C12orf57: variants seen among roughly 807,000 people sequenced by gnomAD.
C12orf57 encodes protein C10.
In C12orf57, 14 loss-of-function variants were observed where a neutral mutation model predicts 11.3. The observed-to-expected ratio is 1.24, with a 90% CI of 0.82 to 1.94. The LOEUF (loss-of-function observed/expected upper bound fraction) is 1.94. Among genes scored for constraint, C12orf57 ranks in the 30% most tolerant of loss-of-function variants. The pLI, the probability that C12orf57 is intolerant of heterozygous loss-of-function variation, is 0.00. For synonymous variants in C12orf57, 100 were observed against 74.6 expected, an observed-to-expected ratio of 1.34 and a Z score of -1.76; for missense variants, 229 against 172.4, an observed-to-expected ratio of 1.33 and a Z score of -1.84.
At chr12:6,943,531 G>A, upstream of C12orf57, 1 of 1,287,134 alleles carries the variant, frequency 7.8e-7, no homozygotes, top group Non-Finnish European at 1.0e-6. Flanking sequence ...GGCCTTTACT[G>A]CCGAATCCAG....
At chr12:6,943,878 T>A (rs998478110), upstream of C12orf57, 11 of 996,654 alleles carry the variant, frequency 1.1e-5, no homozygotes, top group South Asian at 8.5e-5. Flanking sequence ...GGAAAGCCCC[T>A]CTTATGATGT....
At chr12:6,943,454 G>A, upstream of C12orf57, 1 of 1,197,990 alleles carries the variant, frequency 8.3e-7, no homozygotes, top group Non-Finnish European at 1.1e-6. Context: ...ATCGGGCCGG[G>A]CATTAGGCTC....
upstream of C12orf57, chr12:6,943,915 C>A (rs782793528): frequency 5.7e-6 from 7 of 1,237,750 alleles, no homozygotes; most frequent in East Asian, 2.6e-5. Flanking sequence ...ATTGTTTTCA[C>A]TGTGCAAAAA....
At chr12:6,944,001 C>A (rs782078760), upstream of C12orf57, 30 of 1,592,834 alleles carry the variant, frequency 1.9e-5, no homozygotes, top group African/African-American at 2.7e-5. Context: ...TGGGCGCTTC[C>A]GGCTGCGCCG....
At chr12:6,943,990 C>A, upstream of C12orf57, 6 of 1,587,890 alleles carry the variant, frequency 3.8e-6, no homozygotes, top group South Asian at 1.1e-5. Flanking sequence ...TGGGCCACGC[C>A]TGGGCGCTTC....
At chr12:6,943,485 G>A, upstream of C12orf57, 10 of 1,268,336 alleles carry the variant, frequency 7.9e-6, no homozygotes, top group Non-Finnish European at 1.0e-5. Context: ...CAATAGACAA[G>A]GCCTTTAGGA....
upstream of C12orf57, chr12:6,943,516 C>A: frequency 7.8e-7 from 1 of 1,282,942 alleles, no homozygotes; most frequent in Non-Finnish European, 1.0e-6. Flanking sequence ...ACGGCTTTTG[C>A]TCTGGGCCTT....
At position 6,944,178 on chromosome 12, in the gene C12orf57, G is replaced by C; in HGVS notation, c.52+5G>C. On this transcript the variant is annotated splice_donor_5th_base_variant and intron_variant, in intron 1 of 2. Coordinates refer to ENST00000229281, the MANE Select transcript of C12orf57 (RefSeq NM_138425.4). ...TGAGCGCTGAGCAAGCAAAGGGTGA[G>C]AATCGTCCTAGTCAAGGCATAGGCT... 2.5e-6 allele frequency: 4 copies of C among 1,614,264 alleles called. No individual in the cohort carries two copies. The highest frequency in any genetic ancestry group is 3.4e-6 in the Non-Finnish European group (4 of 1,180,040).
At chr12:6,944,825 GCGTC>G in intron 2 of C12orf57, 173 bp downstream of exon 2, 1 of 1,452,174 alleles carries the variant, frequency 6.9e-7, no homozygotes, top group Non-Finnish European at 9.1e-7. Context: ...CTGAGCTTGT[GCGTC>G]CGAGTTGCGT....
At chr12:6,943,972 T>G (rs185694976), upstream of C12orf57, 14 of 1,563,368 alleles carry the variant, frequency 9.0e-6, no homozygotes, top group East Asian at 2.2e-5. Context: ...GCTTGGGGTA[T>G]GAAGGTTTGG....
At chr12:6,945,105 G>T in intron 2 of C12orf57, 1 of 269,276 alleles carries the variant, frequency 3.7e-6, no homozygotes, top group Non-Finnish European at 7.0e-6. Flanking sequence ...CCCCCACTAT[G>T]AAGTCAGGTG....
chr12:6,944,419 C>T, intron 1 of C12orf57, 57 bp from the exon 2 acceptor site: 1 of 1,583,598 alleles, frequency 6.3e-7, no homozygotes, highest in South Asian at 1.1e-5. Context: ...GCTGGGCCCG[C>T]TGTCTGTTCT....
Position 6,944,049 on chromosome 12 carries a change from C to T in C12orf57, c.-73C>T, listed in dbSNP as rs375310246. ...TTTCCGCTCCCAGGGGCGTTGGGAA[C>T]GGTTGTAGGACGTGGCTCTTTATTC... On this transcript the variant is annotated 5_prime_UTR_variant, in exon 1 of 3. The change creates a new upstream start codon in the 5' untranslated region. Coordinates refer to ENST00000229281, the MANE Select transcript of C12orf57 (RefSeq NM_138425.4). The T allele has an allele frequency of 1.0e-3, 1,643 of 1,611,998 alleles. 1 individual carries two copies. The highest frequency in any genetic ancestry group is 1.3e-3 in the Non-Finnish European group (1,477 of 1,179,782).
At chr12:6,944,937 T>C (rs782580086) in intron 2 of C12orf57, 1 of 1,224,938 alleles carries the variant, frequency 8.2e-7, no homozygotes, top group Admixed American at 3.4e-5. Context: ...TATACATGGA[T>C]ATCTTGGGGG....
Sources: gnomAD v4.1 joint callset for allele counts on GRCh38, gnomAD v4.1.1 for gene constraint, MANE v1.5 for transcripts, NCBI Gene and HGNC (gene_info 2026-07-23, HGNC 2026-07-21) for gene names.